KIAA1549: variants seen among roughly 807,000 people sequenced by gnomAD.
The protein encoded by KIAA1549 is KIAA1549, also known as UPF0606 protein KIAA1549.
A neutral mutation model predicts 156.4 loss-of-function variants in KIAA1549; 70 were observed. The ratio of observed to expected loss-of-function variants is 0.45; its 90% CI spans 0.37 to 0.55. The LOEUF (loss-of-function observed/expected upper bound fraction) is 0.55. Among genes scored for constraint, KIAA1549 ranks in the 20% least tolerant of loss-of-function variants. The pLI, the probability that KIAA1549 is intolerant of heterozygous loss-of-function variation, is 0.00. For synonymous variants in KIAA1549, 1,103 were observed against 1,066.4 expected, an observed-to-expected ratio of 1.03 and a Z score of -0.67; for missense variants, 2,428 against 2,540.9, an observed-to-expected ratio of 0.96 and a Z score of 0.96.
intron 1 of KIAA1549, among the ~76,000 whole-genome samples, chr7:138,934,342 A>G (rs1812949651): frequency 6.7e-6 from 1 of 149,796 alleles, no homozygotes; most frequent in South Asian, 2.2e-4. Context: ...AACTTTACAG[A>G]TTTACTTGTG....
At chr7:138,839,776 G>GTTTTTTTTT (rs1563043849) in intron 19 of KIAA1549, among the ~76,000 whole-genome samples, 1 of 90,094 alleles carries the variant, frequency 1.1e-5, no homozygotes, top group African/African-American at 3.8e-5. Flanking sequence ...GAGGGATTAT[G>GTTTTTTTTT]TCTTTTTTTT....
At position 138,981,049 on chromosome 7, in the gene KIAA1549, G is replaced by A; in HGVS notation, c.187+34C>T. On this transcript the variant is annotated intron_variant, in intron 1 of 19. Coordinates refer to ENST00000422774, the MANE Select transcript of KIAA1549 (RefSeq NM_001164665.2). The surrounding 1 kb of genome is among the most constrained non-coding windows in gnomAD (Gnocchi z 4.5). ...AGCAGCGATAAAGGCAGGCGGGGTCGCGGCCGCGTTCCGAGGGTCTCGGCG... is the reference window on the plus strand; with the variant it reads ...AGCAGCGATAAAGGCAGGCGGGGTCACGGCCGCGTTCCGAGGGTCTCGGCG... 7 of 1,221,084 alleles carry A rather than the reference G, an allele frequency of 5.7e-6. No homozygotes were observed. Among genetic ancestry groups the A allele is most frequent in the Non-Finnish European group, 7.1e-6 (7 of 979,772 alleles). The allele number at this position is 1,221,084 out of a possible 1,614,324, so 75.6% of individuals were successfully genotyped here. A position where few individuals can be genotyped will look rare whatever the true frequency, so the allele number is the denominator to read the frequency against.
intron 1 of KIAA1549, among the ~76,000 whole-genome samples, chr7:138,937,701 G>A (rs756264120): frequency 6.6e-6 from 1 of 152,162 alleles, no homozygotes; most frequent in Non-Finnish European, 1.5e-5. Context: ...TGTGGAAATG[G>A]CTCATACGAA....
rs1208124600 is a variant in KIAA1549 at position 138,862,258 on chromosome 7, A to AC, written c.4930-803dup. On this transcript the variant is annotated intron_variant, in intron 15 of 19. Coordinates refer to ENST00000422774, the MANE Select transcript of KIAA1549 (RefSeq NM_001164665.2). Reference sequence around the variant, plus strand: ...ACCTGTAATCCCAGCAACTTGGGAGACCAAGGCAGGAAGATCATTTCCAGA... The same window carrying AC: ...ACCTGTAATCCCAGCAACTTGGGAGACCCAAGGCAGGAAGATCATTTCCAGA... 1.1e-4 allele frequency among the ~76,000 whole-genome samples: 17 copies of AC among 151,874 alleles called. No individual in the cohort carries two copies. In the South Asian group the frequency reaches 2.5e-3, roughly 22 times the overall value.
intron 1 of KIAA1549, among the ~76,000 whole-genome samples, chr7:138,931,258 G>A (rs1166959954): frequency 6.6e-6 from 1 of 152,168 alleles, no homozygotes; most frequent in African/African-American, 2.4e-5. Flanking sequence ...ATTGTGACAG[G>A]GACACAAAGT....
chr7:138,971,765 G>A (rs185901372), intron 1 of KIAA1549, among the ~76,000 whole-genome samples: 12 of 152,134 alleles, frequency 7.9e-5, no homozygotes, highest in African/African-American at 1.7e-4. Flanking sequence ...AGATCTTCTC[G>A]GTCCCTTTCA....
In KIAA1549 at chr7:138,903,657, G is replaced by A; in HGVS notation, c.3600C>T (p.Leu1200=). The change falls in exon 8 of 20, where the codon CTC becomes CTT. Residue 1200 remains leucine (L), a synonymous_variant. Coordinates refer to ENST00000422774, the MANE Select transcript of KIAA1549 (RefSeq NM_001164665.2). ...TCCGCCTTCTGGTGGAAACCTCGCT[G>A]AGCAGCTGGGCCAGCTTGCGTTCCA... The part of the protein sequence containing the change: ...AEMERKLAQL[L]SEVSTRRRMW... The A allele has an allele frequency of 6.2e-7, 1 of 1,612,928 alleles. No individual in the cohort carries two copies. Among genetic ancestry groups the A allele is most frequent in the Non-Finnish European group, 8.5e-7 (1 of 1,179,560 alleles).
intron 1 of KIAA1549, among the ~76,000 whole-genome samples, chr7:138,943,249 GC>G (rs1340669618): frequency 3.9e-5 from 6 of 152,140 alleles, no homozygotes; most frequent in African/African-American, 1.4e-4. Flanking sequence ...TGGTGAAGGC[GC>G]CGTTCTCATC....
At chr7:138,892,569 A>C (rs1296220843) in intron 10 of KIAA1549, among the ~76,000 whole-genome samples, 1 of 152,240 alleles carries the variant, frequency 6.6e-6, no homozygotes. Context: ...GAACCTTAGC[A>C]GACTGTGTAA....
At position 138,871,291 on chromosome 7, in the gene KIAA1549, A is replaced by G. The variant is rs760318194; in HGVS notation, c.4417T>C (p.Ser1473Pro). 1 of 1,609,632 alleles carries G rather than the reference A, an allele frequency of 6.2e-7. No individual in the cohort carries two copies. The highest frequency in any genetic ancestry group is 1.1e-5 in the South Asian group (1 of 90,418). ...CGCCGGCTAGCCTCCGGGGGGCGGG[A>G]GATCCTGTCCACGTGCTCGAAGATG... ...ASIFEHVDRI[S>P]RPPEASRRVP... The change falls in exon 13 of 20, where the codon TCC becomes CCC. Residue 1473 changes from serine (S) to proline (P), a missense_variant. Physicochemically the swap from Ser to Pro is moderately conservative, Grantham distance 74 (BLOSUM62 -1). Transcript: ENST00000422774.
intron 1 of KIAA1549, among the ~76,000 whole-genome samples, chr7:138,950,980 AC>A (rs1014542036): frequency 4.0e-5 from 6 of 151,470 alleles, no homozygotes; most frequent in African/African-American, 7.3e-5. Context: ...GTCACCAGTT[AC>A]CTCCCTACCT....
intron 10 of KIAA1549, among the ~76,000 whole-genome samples, chr7:138,890,182 T>C (rs1218530198): frequency 6.6e-6 from 1 of 152,144 alleles, no homozygotes; most frequent in East Asian, 1.9e-4. Flanking sequence ...GACTGACTGG[T>C]GGGCAGGTCA....
At chr7:138,954,838 C>T (rs1813614830) in intron 1 of KIAA1549, among the ~76,000 whole-genome samples, 1 of 151,972 alleles carries the variant, frequency 6.6e-6, no homozygotes, top group Non-Finnish European at 1.5e-5. Context: ...GTGGGGAGGA[C>T]CAAAGAGAAG....
chr7:138,831,432 A>G lies in KIAA1549; in HGVS notation c.*6474T>C, dbSNP rs533653996. 2.0e-5 allele frequency: 4 copies of G among 203,274 alleles called. No individual in the cohort carries two copies. Among genetic ancestry groups the G allele is most frequent in the Admixed American group, 6.0e-5 (1 of 16,770 alleles). The allele number at this position is 203,274 out of a possible 1,614,324, so 12.6% of individuals were successfully genotyped here. A position where few individuals can be genotyped will look rare whatever the true frequency, so the allele number is the denominator to read the frequency against. ...GACATTTCCATTTAAAATGCTAGGA[A>G]AGCTGTATAAATTGTAAACATGGAA... On this transcript the variant is annotated 3_prime_UTR_variant, in exon 20 of 20. Coordinates refer to ENST00000422774, the MANE Select transcript of KIAA1549 (RefSeq NM_001164665.2).
chr7:138,869,283 G>C lies in KIAA1549; in HGVS notation c.4775+255C>G, dbSNP rs144354621. Among the ~76,000 whole-genome samples the C allele has an allele frequency of 5.4e-3, 816 of 152,372 alleles. 9 individuals are homozygous for C. Among genetic ancestry groups the C allele is most frequent in the African/African-American group, 0.019 (785 of 41,596 alleles). On this transcript the variant is annotated intron_variant, in intron 14 of 19. Coordinates refer to ENST00000422774, the MANE Select transcript of KIAA1549 (RefSeq NM_001164665.2). ...CCCAGGAAATGCCCCGAGGCAGGCA[G>C]AGGGGCAGAGTTGAGAACAAAGCCA... is the stretch of plus-strand genomic sequence containing the variant.
chr7:138,930,190 TTAAG>T (rs1054318519), intron 1 of KIAA1549, among the ~76,000 whole-genome samples: 7 of 152,208 alleles, frequency 4.6e-5, no homozygotes, highest in African/African-American at 1.7e-4. Flanking sequence ...AAGAGTGGCC[TTAAG>T]TTAGTCAGTA....
intron 1 of KIAA1549, among the ~76,000 whole-genome samples, chr7:138,934,175 C>T (rs556446555): frequency 6.6e-6 from 1 of 151,896 alleles, no homozygotes; most frequent in East Asian, 1.9e-4. Context: ...ATGACAACAC[C>T]GAAGACGAAA....
intron 17 of KIAA1549, among the ~76,000 whole-genome samples, chr7:138,845,766 G>A (rs1810056041): frequency 6.6e-6 from 1 of 152,112 alleles, no homozygotes. Flanking sequence ...ACAGTGGCAG[G>A]CAGACAAGTT....
At chr7:138,877,002 A>G (rs1811103643) in intron 12 of KIAA1549, among the ~76,000 whole-genome samples, 1 of 152,156 alleles carries the variant, frequency 6.6e-6, no homozygotes, top group Non-Finnish European at 1.5e-5. Flanking sequence ...ATGACCTGGG[A>G]CAGTCGTCAA....
Sources: gnomAD v4.1 joint callset for allele counts (sites outside exome capture counted in the v4.1 genomes callset) on GRCh38, gnomAD v4.1.1 for gene constraint, Gnocchi (gnomAD v3.1) non-coding constraint, MANE v1.5 for transcripts, NCBI Gene and HGNC (gene_info 2026-07-23, HGNC 2026-07-21) for gene names.